HPSE2: variants seen among roughly 807,000 people sequenced by gnomAD.
HPSE2 encodes the protein heparanase 2 (inactive).
A neutral mutation model predicts 60.5 loss-of-function variants in HPSE2; 38 were observed. That is an observed-to-expected ratio of 0.63 (90% CI 0.48 to 0.82). The LOEUF (loss-of-function observed/expected upper bound fraction) is 0.82. Ranked by LOEUF, HPSE2 falls within the 40% of genes least tolerant of loss-of-function variation. The probability of loss-of-function intolerance (pLI) is 0.00; values close to 1 mark genes in which losing one functional copy is unlikely to be tolerated. For missense variants in HPSE2, 713 were observed against 740.4 expected, an observed-to-expected ratio of 0.96 and a Z score of 0.43; for synonymous variants, 295 against 293.2, an observed-to-expected ratio of 1.01 and a Z score of -0.06.
At chr10:98,545,625 C>G (rs538692351) in intron 9 of HPSE2, among the ~76,000 whole-genome samples, 13 of 152,276 alleles carry the variant, frequency 8.5e-5, no homozygotes, top group South Asian at 6.2e-4. Flanking sequence ...TAAAAACGCT[C>G]AATAAATTAG....
chr10:98,528,393 T>C (rs1943033409), intron 9 of HPSE2, among the ~76,000 whole-genome samples: 1 of 152,178 alleles, frequency 6.6e-6, no homozygotes, highest in African/African-American at 2.4e-5. Flanking sequence ...CTGAGTCATG[T>C]CATTTTCTCA....
intron 3 of HPSE2, among the ~76,000 whole-genome samples, chr10:98,942,246 C>A (rs61883734): frequency 6.4e-5 from 9 of 141,122 alleles, no homozygotes; most frequent in South Asian, 2.1e-4. Context: ...TAATTAAACT[C>A]AAGAGCTTCT....
intron 3 of HPSE2, among the ~76,000 whole-genome samples, chr10:98,875,552 A>T (rs1159107518): frequency 6.6e-6 from 1 of 152,040 alleles, no homozygotes; most frequent in Non-Finnish European, 1.5e-5. Context: ...ACCAACCAAA[A>T]AAAAAACCAT....
chr10:99,220,682 A>G (rs1849278562), intron 2 of HPSE2, among the ~76,000 whole-genome samples: 1 of 151,826 alleles, frequency 6.6e-6, no homozygotes, highest in Non-Finnish European at 1.5e-5. Context: ...GCATGCCTGT[A>G]GTCCCACCTA....
chr10:98,674,395 G>A (rs1947582987), intron 6 of HPSE2, among the ~76,000 whole-genome samples: 1 of 152,210 alleles, frequency 6.6e-6, no homozygotes, highest in South Asian at 2.1e-4. Context: ...TCCCTAGAAA[G>A]TGGCTGTGCT....
chr10:98,851,827 G>T (rs959629780), intron 3 of HPSE2, among the ~76,000 whole-genome samples: 1 of 152,040 alleles, frequency 6.6e-6, no homozygotes, highest in African/African-American at 2.4e-5. Context: ...CTACAACTAA[G>T]TATCCTAAGT....
chr10:98,528,542 G>A (rs1943038444), intron 9 of HPSE2, among the ~76,000 whole-genome samples: 1 of 152,142 alleles, frequency 6.6e-6, no homozygotes, highest in South Asian at 2.1e-4. Context: ...TTCCATCAGT[G>A]AAGCACGGTG....
intron 6 of HPSE2, among the ~76,000 whole-genome samples, chr10:98,667,869 C>T (rs1947407802): frequency 6.6e-6 from 1 of 152,128 alleles, no homozygotes; most frequent in African/African-American, 2.4e-5. Flanking sequence ...AGAACTGGAA[C>T]AAGACGAGGA....
At chr10:98,902,966 T>C (rs187857625) in intron 3 of HPSE2, among the ~76,000 whole-genome samples, 1 of 152,148 alleles carries the variant, frequency 6.6e-6, no homozygotes, top group East Asian at 1.9e-4. Flanking sequence ...ACACAAAAAC[T>C]TGAACACAAT....
intron 3 of HPSE2, among the ~76,000 whole-genome samples, chr10:98,849,738 A>G (rs913022786): frequency 6.6e-6 from 1 of 152,154 alleles, no homozygotes; most frequent in African/African-American, 2.4e-5. Flanking sequence ...AGTTGGCCCT[A>G]TTTAAGCTCC....
chr10:98,990,623 T>TA (rs1956500229), intron 3 of HPSE2, among the ~76,000 whole-genome samples: 1 of 152,212 alleles, frequency 6.6e-6, no homozygotes, highest in Non-Finnish European at 1.5e-5. Flanking sequence ...TGAAAGCACT[T>TA]ATAATACCAT....
the HPSE2 span, among the ~76,000 whole-genome samples, chr10:99,303,384 T>C: frequency 2.0e-5 from 3 of 152,058 alleles, no homozygotes; most frequent in Non-Finnish European, 4.4e-5. Flanking sequence ...ACCCATATTA[T>C]CAACTTAGGC....
intron 9 of HPSE2, among the ~76,000 whole-genome samples, chr10:98,585,769 T>C (rs909174294): frequency 2.6e-5 from 4 of 151,174 alleles, no homozygotes; most frequent in Non-Finnish European, 5.9e-5. Context: ...CTGGCCAACG[T>C]GGTGAAACCC....
the HPSE2 span, among the ~76,000 whole-genome samples, chr10:99,305,496 GA>G: frequency 6.6e-6 from 1 of 152,146 alleles, no homozygotes; most frequent in Non-Finnish European, 1.5e-5. Flanking sequence ...AGGAAAGGGT[GA>G]ATCTTAATTT....
At chr10:99,167,003 T>TTGTG (rs1414662171) in intron 2 of HPSE2, among the ~76,000 whole-genome samples, 3 of 142,036 alleles carry the variant, frequency 2.1e-5, no homozygotes, top group African/African-American at 8.1e-5. Flanking sequence ...TCTTTCCTTT[T>TTGTG]TGTTTGTTTG....
At chr10:98,943,467 C>T (rs2059738167) in intron 3 of HPSE2, among the ~76,000 whole-genome samples, 1 of 152,020 alleles carries the variant, frequency 6.6e-6, no homozygotes, top group African/African-American at 2.4e-5. Flanking sequence ...GCCTCCAAGA[C>T]AGGCCCTAAT....
At chr10:99,016,904 T>C (rs756054253) in intron 3 of HPSE2, among the ~76,000 whole-genome samples, 1 of 152,194 alleles carries the variant, frequency 6.6e-6, no homozygotes, top group Non-Finnish European at 1.5e-5. Context: ...TTGCTGAAGT[T>C]GTTTATCTTC....
intron 3 of HPSE2, among the ~76,000 whole-genome samples, chr10:98,773,867 G>C (rs985364202): frequency 6.6e-6 from 1 of 152,088 alleles, no homozygotes; most frequent in Non-Finnish European, 1.5e-5. Context: ...ATCAGCCTGG[G>C]CAACATAGTG....
chr10:98,564,242 G>A (rs975121037), intron 9 of HPSE2, among the ~76,000 whole-genome samples: 2 of 152,148 alleles, frequency 1.3e-5, no homozygotes, highest in African/African-American at 4.8e-5. Context: ...TGAGAGCGTA[G>A]GCTCTAGATC....
Sources: allele counts gnomAD v4.1 joint callset (sites outside exome capture counted in the v4.1 genomes callset), GRCh38; gene constraint gnomAD v4.1.1; transcripts MANE v1.5; gene names NCBI Gene and HGNC (gene_info 2026-07-23, HGNC 2026-07-21).